Variants in ZDBF2 observed in about 807,000 individuals in gnomAD.
ZDBF2 encodes the protein DBF4-type zinc finger-containing protein 2.
ZDBF2 carries 6 observed loss-of-function variants against 9.4 expected under a neutral mutation model. The ratio of observed to expected loss-of-function variants is 0.64; its 90% CI spans 0.35 to 1.27. The LOEUF is 1.27. Ranked by LOEUF, ZDBF2 falls within the 50% of genes most tolerant of loss-of-function variation. The pLI is 0.03. For missense variants in ZDBF2, 2,697 were observed against 2,766.8 expected (o/e 0.97, Z 0.57); for synonymous variants, 905 against 946.3 (o/e 0.96, Z 0.80).
At chr2:206,277,972 CTATTT>C (rs1691114153) in intron 1 of ZDBF2, among the ~76,000 whole-genome samples, 1 of 152,068 alleles carries the variant, frequency 6.6e-6, no homozygotes, top group African/African-American at 2.4e-5. Context: ...ATTAAACATT[CTATTT>C]TATTTTACTC....
intron 3 of ZDBF2, among the ~76,000 whole-genome samples, chr2:206,283,870 C>T (rs1291886970): frequency 6.6e-6 from 1 of 152,084 alleles, no homozygotes; most frequent in Non-Finnish European, 1.5e-5. Context: ...ACTATATTTC[C>T]CAGGCTGGTC....
rs147027026 is a variant in ZDBF2, at chr2:206,310,483, C to G, written c.5955C>G (p.Val1985=). ...ATGACAGAAAAACCAAAAAGAAAGT[C>G]AAAATTGGGACAGTTGAATTTCCTG... ...LQDDRKTKKK[V]KIGTVEFPAS... Residue 1985 remains valine (V), a synonymous_variant, in exon 5 of 5, where the codon GTC becomes GTG. Transcript: ENST00000374423. The G allele has an allele frequency of 2.2e-4, 357 of 1,613,474 alleles. No individual in the cohort carries two copies. The highest frequency in any genetic ancestry group is 3.3e-4 in the Middle Eastern group (2 of 6,080).
In ZDBF2 at chr2:206,307,612, T is replaced by G; in HGVS notation, c.3084T>G (p.Val1028=). 6.2e-7 allele frequency: 1 copy of G among 1,612,386 alleles called. No individual in the cohort carries two copies. The highest frequency in any genetic ancestry group is 8.5e-7 in the Non-Finnish European group (1 of 1,179,312). Residue 1028 remains valine, a synonymous_variant, in exon 5 of 5, where the codon GTT becomes GTG. Coordinates refer to ENST00000374423, the MANE Select transcript of ZDBF2 (RefSeq NM_020923.3). ...AAATAAACAGAAAGAAGCAATATGTTCTAGAAAACAAGAATGATAAATGTA... is the reference window on the plus strand; with the variant it reads ...AAATAAACAGAAAGAAGCAATATGTGCTAGAAAACAAGAATGATAAATGTA... ...VNKINRKKQY[V]LENKNDKCSG... is the part of the protein sequence containing the mutation.
chr2:206,307,564 T>C lies in ZDBF2; in HGVS notation c.3036T>C (p.Thr1012=), dbSNP rs758710237. 6.2e-7 allele frequency: 1 copy of C among 1,613,692 alleles called. No individual in the cohort carries two copies. The change falls in exon 5 of 5, where the codon ACT becomes ACC. Residue 1012 remains threonine (T), a synonymous_variant. Transcript: ENST00000374423. ...LDSGVPHYSV[T]EPQVAVNKIN... ...CTGGTGTCCCTCATTATTCAGTAAC[T>C]GAACCTCAAGTAGCTGTTAACAAAA...
At chr2:206,294,936 C>T (rs148207622) in intron 3 of ZDBF2, among the ~76,000 whole-genome samples, 209 of 152,202 alleles carry the variant, frequency 1.4e-3, no homozygotes, top group Non-Finnish European at 2.2e-3. Flanking sequence ...GCATTTGTCC[C>T]CTTTAATCAC....
rs1269307534 is a variant in ZDBF2, at chr2:206,307,547, C to T, written c.3019C>T (p.Pro1007Ser). The T allele has an allele frequency of 1.2e-6, 2 of 1,613,512 alleles. No individual in the cohort carries two copies. The highest frequency in any genetic ancestry group is 2.2e-5 in the East Asian group (1 of 44,878). The change falls in exon 5 of 5, where the codon CCT becomes TCT. Residue 1007 changes from proline (P) to serine (S), a missense_variant. Physicochemically the swap from Pro to Ser is moderately conservative, Grantham distance 74. Transcript: ENST00000374423. Reference sequence around the variant, plus strand: ...AAAAACAAGTTTAGATTCTGGTGTCCCTCATTATTCAGTAACTGAACCTCA... The same window carrying T: ...AAAAACAAGTTTAGATTCTGGTGTCTCTCATTATTCAGTAACTGAACCTCA... The part of the protein sequence containing the change: ...GSKTSLDSGV[P>S]HYSVTEPQVA...
chr2:206,297,186 C>T (rs991735676), intron 3 of ZDBF2, 60 bp from the exon 4 acceptor site: 10 of 655,546 alleles, frequency 1.5e-5, no homozygotes, highest in South Asian at 8.4e-5. Context: ...TCCATTTTGT[C>T]GAACTCTCAC....
chr2:206,280,627 G>A (rs1026312793), intron 2 of ZDBF2, among the ~76,000 whole-genome samples: 1 of 152,098 alleles, frequency 6.6e-6, no homozygotes, highest in Non-Finnish European at 1.5e-5. Flanking sequence ...TTGTGTCAGA[G>A]GCTGGTTTAA....
Position 206,305,602 on chromosome 2 carries a change from C to T in ZDBF2, c.1074C>T (p.Cys358=). ...AGACAGCCTTTTGGGAACAGAAGTG[C>T]TCAGTGAGTTCTGAAATGAAGTTTG... ...FNKTAFWEQK[C]SVSSEMKFDC... The change falls in exon 5 of 5, where the codon TGC becomes TGT. Residue 358 remains cysteine (C), a synonymous_variant. Transcript: ENST00000374423. 6.2e-7 allele frequency: 1 copy of T among 1,613,830 alleles called. No individual in the cohort carries two copies. Among genetic ancestry groups the T allele is most frequent in the South Asian group, 1.1e-5 (1 of 91,074 alleles).
chr2:206,309,373 G>A lies in ZDBF2; in HGVS notation c.4845G>A (p.Glu1615=). 1 of 1,613,560 alleles carries A rather than the reference G, an allele frequency of 6.2e-7. No individual in the cohort carries two copies. Among genetic ancestry groups the A allele is most frequent in the Non-Finnish European group, 8.5e-7 (1 of 1,179,758 alleles). Residue 1615 remains glutamate, a synonymous_variant, in exon 5 of 5, where the codon GAG becomes GAA. Transcript: ENST00000374423. ...NRKKDYIILG[E]PSCQSCGSEM... ...AGAAGGACTATATTATTCTGGGAGA[G>A]CCAAGTTGTCAATCTTGTGGTTCTG...
rs1692983948 is a variant in ZDBF2 at position 206,308,992 on chromosome 2, A to G, written c.4464A>G (p.Glu1488=). The part of the protein sequence containing the change: ...LQKEEHVVME[E]KTDQPSDSEM... Reference sequence around the variant, plus strand: ...AGGAAGAGCATGTTGTCATGGAAGAAAAGACCGATCAACCTAGTGATTCAG... The same window carrying G: ...AGGAAGAGCATGTTGTCATGGAAGAGAAGACCGATCAACCTAGTGATTCAG... Residue 1488 remains glutamate (E), a synonymous_variant, in exon 5 of 5, where the codon GAA becomes GAG. Transcript: ENST00000374423. 6.2e-7 allele frequency: 1 copy of G among 1,613,866 alleles called. No homozygotes were observed. Among genetic ancestry groups the G allele is most frequent in the Non-Finnish European group, 8.5e-7 (1 of 1,179,836 alleles).
intron 4 of ZDBF2, among the ~76,000 whole-genome samples, chr2:206,303,897 A>T (rs1056822574): frequency 6.6e-6 from 1 of 152,056 alleles, no homozygotes; most frequent in Non-Finnish European, 1.5e-5. Flanking sequence ...TATTATTTTT[A>T]AAAACCACAT....
At chr2:206,277,261 GT>G (rs1691062894) in intron 1 of ZDBF2, among the ~76,000 whole-genome samples, 1 of 150,914 alleles carries the variant, frequency 6.6e-6, no homozygotes, top group Non-Finnish European at 1.5e-5. Flanking sequence ...TTTTATCCAT[GT>G]TTACCTCTGC....
chr2:206,294,419 A>G (rs913967959), intron 3 of ZDBF2, among the ~76,000 whole-genome samples: 7 of 152,228 alleles, frequency 4.6e-5, no homozygotes, highest in African/African-American at 1.7e-4. Flanking sequence ...GAAGTTTTCT[A>G]TTCACATTGC....
chr2:206,291,949 T>G, intron 3 of ZDBF2: 1 of 396,292 alleles, frequency 2.5e-6, no homozygotes, highest in Admixed American at 4.4e-5. Flanking sequence ...GTATATCTTT[T>G]AATAAGGAAG....
intron 4 of ZDBF2, among the ~76,000 whole-genome samples, chr2:206,300,670 G>C (rs1692453907): frequency 6.6e-6 from 1 of 152,052 alleles, no homozygotes; most frequent in Non-Finnish European, 1.5e-5. Context: ...GATCGTATGG[G>C]GAAGAACTTT....
chr2:206,295,841 C>A (rs1438656155), intron 3 of ZDBF2, among the ~76,000 whole-genome samples: 3 of 151,994 alleles, frequency 2.0e-5, no homozygotes, highest in East Asian at 3.9e-4. Flanking sequence ...TGCTACTCCA[C>A]TAAATAATAT....
Position 206,310,289 on chromosome 2 carries a change from C to T in ZDBF2, c.5761C>T (p.Pro1921Ser). 1 of 1,613,938 alleles carries T rather than the reference C, an allele frequency of 6.2e-7. No homozygotes were observed. Residue 1921 changes from proline (P) to serine (S), a missense_variant, in exon 5 of 5, where the codon CCT (proline) becomes TCT (serine). Transcript: ENST00000374423. ...VALDKPCHRH[P>S]PAERPPKQKG... ...CTTAGATAAACCATGCCATCGTCAT[C>T]CTCCAGCAGAGAGGCCTCCTAAGCA...
At position 206,311,336 on chromosome 2, in the gene ZDBF2, T is replaced by C; in HGVS notation, c.6808T>C (p.Leu2270=). The C allele has an allele frequency of 6.2e-7, 1 of 1,604,682 alleles. No individual in the cohort carries two copies. Among genetic ancestry groups the C allele is most frequent in the Non-Finnish European group, 8.5e-7 (1 of 1,175,006 alleles). The change falls in exon 5 of 5, where the codon TTG becomes CTG. Residue 2270 remains leucine (L), a synonymous_variant. Transcript: ENST00000374423. ...GGCGAAGAGAACAGCTAAAGTGCTT[T>C]TGAACTCTTCAGTTCCACCAGCTGG... ...KKAKRTAKVL[L]NSSVPPAGAE...
Sources: gnomAD v4.1 joint callset for allele counts (sites outside exome capture counted in the v4.1 genomes callset) on GRCh38, gnomAD v4.1.1 for gene constraint, MANE v1.5 for transcripts, NCBI Gene and HGNC (gene_info 2026-07-23, HGNC 2026-07-21) for gene names.